Variants in APBB2 observed in about 807,000 individuals in gnomAD.
The protein encoded by APBB2 is amyloid beta precursor protein binding family B member 2, also known as Fe65-like 1.
APBB2 carries 38 observed loss-of-function variants against 82.5 expected under a neutral mutation model. That is an observed-to-expected ratio of 0.46 (90% confidence interval 0.36 to 0.60). The LOEUF (loss-of-function observed/expected upper bound fraction) is 0.60, where lower values mean the gene tolerates loss of function less well. Ranked by LOEUF, APBB2 falls within the 20% of genes least tolerant of loss-of-function variation. APBB2 has a pLI of 0.00. For synonymous variants in APBB2, 341 were observed against 368.2 expected, an observed-to-expected ratio of 0.93 and a Z score of 0.85; for missense variants, 772 against 972.3, an observed-to-expected ratio of 0.79 and a Z score of 2.74.
chr4:41,056,252 T>C (rs1286227276), intron 4 of APBB2, among the ~76,000 whole-genome samples: 1 of 152,166 alleles, frequency 6.6e-6, no homozygotes, highest in African/African-American at 2.4e-5. Context: ...ATTAAGAATA[T>C]ACTCTTTGTT....
At chr4:40,934,589 C>T in intron 9 of APBB2, 25 bp downstream of exon 9, 1 of 1,609,704 alleles carries the variant, frequency 6.2e-7, no homozygotes, top group Non-Finnish European at 8.5e-7. Flanking sequence ...ACATTGACAG[C>T]AGGTCGATCC....
intron 1 of APBB2, among the ~76,000 whole-genome samples, chr4:41,210,229 ACCTC>A (rs1341073109): frequency 4.4e-4 from 67 of 152,092 alleles, no homozygotes; most frequent in Non-Finnish European, 8.8e-4. Flanking sequence ...TTAAACGAAG[ACCTC>A]TCTCCTCGAA....
At chr4:41,081,297 T>A (rs1045949323) in intron 3 of APBB2, among the ~76,000 whole-genome samples, 1 of 152,194 alleles carries the variant, frequency 6.6e-6, no homozygotes, top group East Asian at 1.9e-4. Context: ...TGTACGTGTG[T>A]ACACATGTGT....
chr4:40,929,321 A>T (rs566836976), intron 10 of APBB2, among the ~76,000 whole-genome samples: 1 of 152,070 alleles, frequency 6.6e-6, no homozygotes, highest in Non-Finnish European at 1.5e-5. Context: ...TTATTTATTT[A>T]TTTTTGAGAC....
chr4:41,083,360 A>G (rs1382559327), intron 3 of APBB2, among the ~76,000 whole-genome samples: 1 of 152,156 alleles, frequency 6.6e-6, no homozygotes, highest in Admixed American at 6.5e-5. Context: ...TTTAGGGCTT[A>G]CAGGTCATTT....
chr4:40,930,422 T>A (rs1046639058), intron 10 of APBB2, among the ~76,000 whole-genome samples: 34 of 111,954 alleles, frequency 3.0e-4, no homozygotes, highest in African/African-American at 1.3e-3. Context: ...TTTGGGGAAG[T>A]GTGTGTGTGT....
chr4:40,933,737 T>C (rs1178383424), intron 10 of APBB2, among the ~76,000 whole-genome samples: 1 of 151,980 alleles, frequency 6.6e-6, no homozygotes, highest in Non-Finnish European at 1.5e-5. Context: ...CGCTGGGAGG[T>C]GGCAGGACTG....
intron 12 of APBB2, among the ~76,000 whole-genome samples, chr4:40,860,154 A>T (rs901539642): frequency 6.6e-6 from 1 of 152,218 alleles, no homozygotes; most frequent in Non-Finnish European, 1.5e-5. Context: ...ACCTTGGCTG[A>T]AGAGAGCCTC....
At position 41,002,682 on chromosome 4, in the gene APBB2, G is replaced by A. The variant is rs533328260; in HGVS notation, c.835+10901C>T. On this transcript the variant is annotated intron_variant, in intron 6 of 17. Transcript: ENST00000508593. ...AGATTTCTGAATTTACAAGAGGAAT[G>A]AGAGGTCCTCTATTTTTATGTAAAA... Among the ~76,000 whole-genome samples the A allele has an allele frequency of 3.9e-5, 6 of 152,340 alleles. No homozygotes were observed. The South Asian group carries it at 1.2e-3, about 32-fold the overall frequency.
At chr4:41,171,686 G>A (rs886116541) in intron 1 of APBB2, among the ~76,000 whole-genome samples, 3 of 152,324 alleles carry the variant, frequency 2.0e-5, no homozygotes, top group Non-Finnish European at 4.4e-5. Context: ...GGCTGGGCGC[G>A]GTGGCTCATG....
intron 10 of APBB2, among the ~76,000 whole-genome samples, chr4:40,929,906 G>A (rs1783640060): frequency 6.6e-6 from 1 of 152,100 alleles, no homozygotes; most frequent in African/African-American, 2.4e-5. Flanking sequence ...CTCTGTAGTG[G>A]GGGAAAAACT....
chr4:41,133,715 C>T (rs1020720169), intron 2 of APBB2, among the ~76,000 whole-genome samples: 4 of 152,166 alleles, frequency 2.6e-5, no homozygotes, highest in African/African-American at 9.7e-5. Flanking sequence ...ACCAGAGTCT[C>T]AAACCATCAT....
chr4:41,015,145 T>C (rs1364545991), intron 5 of APBB2, among the ~76,000 whole-genome samples: 2 of 152,212 alleles, frequency 1.3e-5, no homozygotes, highest in Admixed American at 1.3e-4. Flanking sequence ...TGAATTAAAA[T>C]ACAGACTCAG....
chr4:40,908,146 C>A (rs1458162143), intron 10 of APBB2, among the ~76,000 whole-genome samples: 2 of 151,824 alleles, frequency 1.3e-5, no homozygotes, highest in Admixed American at 1.3e-4. Flanking sequence ...GAGGCGCCCA[C>A]ACAGAGAATA....
chr4:40,945,189 T>C, intron 6 of APBB2, 116 bp from the exon 7 acceptor site: 2 of 731,370 alleles, frequency 2.7e-6, no homozygotes, highest in Non-Finnish European at 4.7e-6. Flanking sequence ...AAATGATTAG[T>C]TCTTCCTGGT....
At chr4:41,112,549 C>T (rs1749567174) in intron 2 of APBB2, among the ~76,000 whole-genome samples, 1 of 152,208 alleles carries the variant, frequency 6.6e-6, no homozygotes, top group Non-Finnish European at 1.5e-5. Context: ...TATAGTTCTG[C>T]CCACAGTCCT....
At chr4:40,853,328 G>A (rs897976601) in intron 12 of APBB2, among the ~76,000 whole-genome samples, 7 of 152,038 alleles carry the variant, frequency 4.6e-5, no homozygotes, top group Non-Finnish European at 8.8e-5. Context: ...GGCACCTCAT[G>A]GCAAACCTTT....
At chr4:40,944,765 G>A (rs1173121972) in intron 7 of APBB2, 100 bp downstream of exon 7, 6 of 1,163,826 alleles carry the variant, frequency 5.2e-6, no homozygotes, top group South Asian at 1.3e-5. Flanking sequence ...TAATCAAAAA[G>A]CTTACCTTGA....
At chr4:41,205,735 G>T (rs1442502080) in intron 1 of APBB2, among the ~76,000 whole-genome samples, 1 of 152,164 alleles carries the variant, frequency 6.6e-6, no homozygotes, top group Admixed American at 6.5e-5. Flanking sequence ...GTTAAGTAAG[G>T]TCTTATCTCA....
Sources: gnomAD v4.1 joint callset for allele counts (sites outside exome capture counted in the v4.1 genomes callset) on GRCh38, gnomAD v4.1.1 for gene constraint, MANE v1.5 for transcripts, NCBI Gene and HGNC (gene_info 2026-07-23, HGNC 2026-07-21) for gene names.